RAPGEF5: variants seen among roughly 807,000 people sequenced by gnomAD.
RAPGEF5 encodes M-Ras-regulated GEF.
RAPGEF5 carries 65 observed loss-of-function variants against 125.2 expected under a neutral mutation model. The ratio of observed to expected loss-of-function variants is 0.52; its 90% confidence interval spans 0.43 to 0.64. The LOEUF is 0.64. RAPGEF5 is among the 30% of genes least tolerant of loss of function. The pLI is 0.00. For missense variants in RAPGEF5, 958 were observed against 1,048.1 expected (o/e 0.91, Z 1.19); for synonymous variants, 391 against 385.9 (o/e 1.01, Z -0.16).
At chr7:22,199,247 C>T (rs1785220243) in intron 9 of RAPGEF5, among the ~76,000 whole-genome samples, 1 of 152,104 alleles carries the variant, frequency 6.6e-6, no homozygotes, top group Non-Finnish European at 1.5e-5. Flanking sequence ...AGGCAGCACT[C>T]AAGACCCAGC....
intron 11 of RAPGEF5, 47 bp downstream of exon 11, chr7:22,193,320 G>T (rs1284681135): frequency 3.2e-6 from 5 of 1,538,992 alleles, no homozygotes; most frequent in Non-Finnish European, 4.4e-6. Context: ...ACTGACAAGG[G>T]CATCAGCTGC....
Position 22,308,374 on chromosome 7 carries a change from C to T in RAPGEF5, c.645G>A (p.Val215=), listed in dbSNP as rs1189355610. 1.9e-6 allele frequency: 3 copies of T among 1,589,352 alleles called. No individual in the cohort carries two copies. The South Asian group carries it at 3.5e-5, about 18-fold the overall frequency. The stretch of plus-strand genomic sequence containing the variant: ...TGCCACCTCTGGCAGGAATGAGAGG[C>T]ACAAGTTGCAGTAAAAGCTTGACAC... ...QNGVKLLLQL[V]PLIPARGGIC... Residue 215 remains valine, a synonymous_variant, in exon 5 of 26, where the codon GTG becomes GTA. Coordinates refer to ENST00000665637, the MANE Select transcript of RAPGEF5 (RefSeq NM_012294.5).
intron 11 of RAPGEF5, among the ~76,000 whole-genome samples, chr7:22,172,359 G>A (rs1784376424): frequency 6.6e-6 from 1 of 152,108 alleles, no homozygotes; most frequent in African/African-American, 2.4e-5. Flanking sequence ...CCTGACCTCA[G>A]GTGATCTGCA....
intron 7 of RAPGEF5, among the ~76,000 whole-genome samples, chr7:22,237,840 G>A (rs1338883738): frequency 6.6e-6 from 1 of 152,098 alleles, no homozygotes; most frequent in East Asian, 1.9e-4. Context: ...CTAAGTAATG[G>A]TCTACTGAAC....
chr7:22,156,265 G>C (rs1783803959), intron 16 of RAPGEF5, among the ~76,000 whole-genome samples: 1 of 152,224 alleles, frequency 6.6e-6, no homozygotes, highest in African/African-American at 2.4e-5. Context: ...GAAAACCACT[G>C]GTAATATTTC....
At chr7:22,240,685 T>C (rs921594323) in intron 7 of RAPGEF5, among the ~76,000 whole-genome samples, 1 of 152,162 alleles carries the variant, frequency 6.6e-6, no homozygotes, top group African/African-American at 2.4e-5. Context: ...CTTTACTTTT[T>C]TTTTGTGCCT....
intron 20 of RAPGEF5, among the ~76,000 whole-genome samples, chr7:22,144,200 C>T (rs749378858): frequency 9.9e-5 from 15 of 152,138 alleles, no homozygotes; most frequent in Non-Finnish European, 1.8e-4. Flanking sequence ...TTGCTATTTA[C>T]CAAGGTCTGT....
At chr7:22,210,056 G>A (rs2128130231) in intron 9 of RAPGEF5, among the ~76,000 whole-genome samples, 1 of 152,266 alleles carries the variant, frequency 6.6e-6, no homozygotes, top group Middle Eastern at 3.4e-3. Context: ...TTTAGCAGGT[G>A]CCAGTTTTAG....
intron 5 of RAPGEF5, among the ~76,000 whole-genome samples, chr7:22,304,718 G>A (rs1200927516): frequency 6.6e-6 from 1 of 152,138 alleles, no homozygotes; most frequent in Non-Finnish European, 1.5e-5. Flanking sequence ...GCTGAAGAAC[G>A]CCAGTCCCAA....
chr7:22,339,286 T>G (rs1784083076), intron 1 of RAPGEF5, among the ~76,000 whole-genome samples: 1 of 152,198 alleles, frequency 6.6e-6, no homozygotes. Context: ...CTTCGGTCTC[T>G]CACTCTGCCT....
chr7:22,205,835 T>A (rs1382503795), intron 9 of RAPGEF5, among the ~76,000 whole-genome samples: 1 of 152,242 alleles, frequency 6.6e-6, no homozygotes, highest in Non-Finnish European at 1.5e-5. Context: ...AATGTCCTGA[T>A]AACAGACACT....
intron 9 of RAPGEF5, among the ~76,000 whole-genome samples, chr7:22,199,346 G>A (rs754101913): frequency 2.0e-5 from 3 of 152,032 alleles, no homozygotes; most frequent in Non-Finnish European, 4.4e-5. Context: ...TTAGAGGAAG[G>A]CTGTATTTGT....
chr7:22,150,267 G>C (rs896217537), intron 18 of RAPGEF5, 140 bp downstream of exon 18: 15 of 736,396 alleles, frequency 2.0e-5, no homozygotes, highest in Non-Finnish European at 3.0e-5. Context: ...TGTAGAGACA[G>C]GGTTGCAAAC....
intron 9 of RAPGEF5, among the ~76,000 whole-genome samples, chr7:22,198,490 C>T (rs908853088): frequency 1.3e-5 from 2 of 152,078 alleles, no homozygotes; most frequent in African/African-American, 4.8e-5. Flanking sequence ...GAGATAGCAC[C>T]GAGCCTTGGC....
intron 11 of RAPGEF5, among the ~76,000 whole-genome samples, chr7:22,176,981 G>C (rs1273236169): frequency 6.6e-6 from 1 of 152,210 alleles, no homozygotes; most frequent in Non-Finnish European, 1.5e-5. Context: ...ACATGCCTCT[G>C]TGTTCTGGTT....
intron 17 of RAPGEF5, among the ~76,000 whole-genome samples, chr7:22,153,902 T>C (rs1783713685): frequency 6.6e-6 from 1 of 152,344 alleles, no homozygotes; most frequent in Non-Finnish European, 1.5e-5. Flanking sequence ...TGTGATCTTA[T>C]TCAAAACAGA....
intron 1 of RAPGEF5, among the ~76,000 whole-genome samples, chr7:22,321,996 C>T (rs765115847): frequency 3.3e-5 from 5 of 152,212 alleles, no homozygotes; most frequent in Middle Eastern, 3.4e-3. Context: ...ATTATCCAGT[C>T]GTCAAAGTTG....
intron 20 of RAPGEF5, among the ~76,000 whole-genome samples, chr7:22,143,156 T>C (rs1783318984): frequency 6.6e-6 from 1 of 152,182 alleles, no homozygotes; most frequent in Non-Finnish European, 1.5e-5. Context: ...GCCTCACCTT[T>C]AGGAATTTTA....
chr7:22,337,089 G>A (rs549030472), intron 1 of RAPGEF5, among the ~76,000 whole-genome samples: 4 of 152,260 alleles, frequency 2.6e-5, no homozygotes, highest in African/African-American at 7.2e-5. Context: ...AGTATAATAC[G>A]CGTCAAGCTG....
Sources: allele counts gnomAD v4.1 joint callset (sites outside exome capture counted in the v4.1 genomes callset), GRCh38; gene constraint gnomAD v4.1.1; transcripts MANE v1.5; gene names NCBI Gene and HGNC (gene_info 2026-07-23, HGNC 2026-07-21).